The following GALNT13 variants were observed in gnomAD, a reference collection of about 807,000 sequenced individuals.
The protein encoded by GALNT13 is UDP-GalNAc:polypeptide N-acetylgalactosaminyltransferase 13.
A neutral mutation model predicts 64.2 loss-of-function variants in GALNT13; 28 were observed. The observed-to-expected ratio is 0.44, with a 90% CI of 0.32 to 0.60. The LOEUF (loss-of-function observed/expected upper bound fraction) is 0.60. Among genes scored for constraint, GALNT13 ranks in the 20% least tolerant of loss-of-function variants. The probability of loss-of-function intolerance (pLI) is 0.05; values close to 1 mark genes in which losing one functional copy is unlikely to be tolerated. For missense variants in GALNT13, 577 were observed against 669.8 expected, an observed-to-expected ratio of 0.86 and a Z score of 1.53; for synonymous variants, 214 against 224.6, an observed-to-expected ratio of 0.95 and a Z score of 0.42.
chr2:154,229,660 A>C (rs1229508384), intron 4 of GALNT13, among the ~76,000 whole-genome samples: 1 of 152,094 alleles, frequency 6.6e-6, no homozygotes, highest in African/African-American at 2.4e-5. Flanking sequence ...GTGTGACTTG[A>C]GGCCTATCTT....
intron 3 of GALNT13, among the ~76,000 whole-genome samples, chr2:154,110,812 A>T (rs140287906): frequency 1.3e-5 from 2 of 152,220 alleles, no homozygotes; most frequent in Non-Finnish European, 2.9e-5. Context: ...CGCCTTCTCA[A>T]CGTGAACTCA....
chr2:153,997,019 C>A (rs1695565662), intron 3 of GALNT13, among the ~76,000 whole-genome samples: 2 of 152,026 alleles, frequency 1.3e-5, no homozygotes, highest in African/African-American at 4.8e-5. Context: ...CTATTCTGTT[C>A]TGTTGGTCTT....
At position 154,429,294 on chromosome 2, in the gene GALNT13, G is replaced by A. The variant is rs1169482843; in HGVS notation, c.1396-9298G>A. On this transcript the variant is annotated intron_variant, in intron 11 of 12. Transcript: ENST00000392825. ...ACCAAACAGCTGGAAAAATAGTGAA[G>A]GGAAAGGAAAAATTCTTGAAGGAAA... Among the ~76,000 whole-genome samples, 4 of 152,046 alleles carry A rather than the reference G, an allele frequency of 2.6e-5. No homozygotes were observed. In the East Asian group the frequency reaches 5.8e-4, roughly 22 times the overall value.
chr2:153,835,429 T>G, the GALNT13 span, among the ~76,000 whole-genome samples: 1 of 152,028 alleles, frequency 6.6e-6, no homozygotes, highest in Non-Finnish European at 1.5e-5. Flanking sequence ...TGATGCAATA[T>G]TTGGTACCAG....
chr2:154,405,544 C>T (rs1028925651), intron 10 of GALNT13, among the ~76,000 whole-genome samples: 4 of 148,290 alleles, frequency 2.7e-5, no homozygotes, highest in African/African-American at 7.5e-5. Context: ...GTCAGGATTT[C>T]GAGACCAGCC....
At chr2:154,416,402 G>T (rs1451300279) in intron 11 of GALNT13, among the ~76,000 whole-genome samples, 1 of 152,016 alleles carries the variant, frequency 6.6e-6, no homozygotes, top group Non-Finnish European at 1.5e-5. Flanking sequence ...ATTCCTCGGG[G>T]CAGAGACTTC....
the GALNT13 span, among the ~76,000 whole-genome samples, chr2:153,794,101 C>T: frequency 6.6e-6 from 1 of 151,824 alleles, no homozygotes; most frequent in Non-Finnish European, 1.5e-5. Flanking sequence ...AGTCTGGAAG[C>T]CAAGAAAAAA....
intron 2 of GALNT13, among the ~76,000 whole-genome samples, chr2:153,932,051 T>C (rs1690566086): frequency 6.6e-6 from 1 of 152,062 alleles, no homozygotes; most frequent in Non-Finnish European, 1.5e-5. Context: ...CCCGGGAATT[T>C]ATCCATTTCT....
the GALNT13 span, among the ~76,000 whole-genome samples, chr2:153,164,522 A>G: frequency 6.6e-6 from 1 of 152,124 alleles, no homozygotes; most frequent in Non-Finnish European, 1.5e-5. Flanking sequence ...GATATGTGAA[A>G]AATTTTCATG....
chr2:153,509,218 G>A, the GALNT13 span, among the ~76,000 whole-genome samples: 1 of 152,226 alleles, frequency 6.6e-6, no homozygotes, highest in African/African-American at 2.4e-5. Context: ...AGCTTCCAGG[G>A]TCCCTGAGAG....
chr2:153,132,246 G>A, the GALNT13 span, among the ~76,000 whole-genome samples: 1 of 152,076 alleles, frequency 6.6e-6, no homozygotes, highest in Non-Finnish European at 1.5e-5. Context: ...AAGCTGGTGG[G>A]GGAGAAATAG....
At chr2:153,099,697 A>G in the GALNT13 span, among the ~76,000 whole-genome samples, 2 of 152,124 alleles carry the variant, frequency 1.3e-5, no homozygotes, top group African/African-American at 4.8e-5. Context: ...TGCTTATTTC[A>G]TGGTATTTCT....
chr2:153,257,274 G>C, the GALNT13 span, among the ~76,000 whole-genome samples: 3 of 151,884 alleles, frequency 2.0e-5, no homozygotes, highest in Admixed American at 6.5e-5. Flanking sequence ...GACCCCTTGG[G>C]CTTCCCAAGT....
chr2:154,091,004 G>A (rs750946372), intron 3 of GALNT13, among the ~76,000 whole-genome samples: 14 of 151,680 alleles, frequency 9.2e-5, no homozygotes, highest in Non-Finnish European at 1.5e-4. Flanking sequence ...CCTCAGGAAG[G>A]CCCAATTGTT....
At chr2:154,081,831 G>A (rs1023308581) in intron 3 of GALNT13, among the ~76,000 whole-genome samples, 1 of 151,700 alleles carries the variant, frequency 6.6e-6, no homozygotes, top group Non-Finnish European at 1.5e-5. Context: ...ATCTTTAATG[G>A]ACATTTGTGG....
At chr2:154,391,068 C>T (rs753632823) in intron 9 of GALNT13, among the ~76,000 whole-genome samples, 4 of 152,286 alleles carry the variant, frequency 2.6e-5, no homozygotes, top group Non-Finnish European at 2.9e-5. Context: ...TTCTCTTTTA[C>T]GCTCACACTC....
the GALNT13 span, among the ~76,000 whole-genome samples, chr2:153,691,889 G>C: frequency 2.0e-5 from 3 of 151,984 alleles, no homozygotes; most frequent in South Asian, 6.2e-4. Flanking sequence ...ATGCTCAACA[G>C]AAATCCGTAC....
chr2:154,081,893 C>G (rs563435679), intron 3 of GALNT13, among the ~76,000 whole-genome samples: 1 of 151,836 alleles, frequency 6.6e-6, no homozygotes, highest in South Asian at 2.1e-4. Flanking sequence ...AGTCTCTAGG[C>G]TCTAATTCAA....
At chr2:153,255,833 T>A in the GALNT13 span, among the ~76,000 whole-genome samples, 1 of 152,222 alleles carries the variant, frequency 6.6e-6, no homozygotes, top group African/African-American at 2.4e-5. Flanking sequence ...TGCTGAGAGA[T>A]CAGCTGTTAG....
Sources: allele counts gnomAD v4.1 joint callset (sites outside exome capture counted in the v4.1 genomes callset), GRCh38; gene constraint gnomAD v4.1.1; transcripts MANE v1.5; gene names NCBI Gene and HGNC (gene_info 2026-07-23, HGNC 2026-07-21).